Variants in STK26 observed in about 807,000 individuals in gnomAD.
STK26 encodes the protein serine/threonine kinase 26.
STK26 carries 14 observed loss-of-function variants against 34.7 expected under a neutral mutation model. That is an observed-to-expected ratio of 0.40 (90% confidence interval 0.27 to 0.63). The LOEUF (loss-of-function observed/expected upper bound fraction) is 0.63. Ranked by LOEUF, STK26 falls within the 30% of genes least tolerant of loss-of-function variation. STK26 has a pLI of 0.38. For missense variants in STK26, 226 were observed against 309.1 expected, an observed-to-expected ratio of 0.73 and a Z score of 2.02; for synonymous variants, 100 against 109.8, an observed-to-expected ratio of 0.91 and a Z score of 0.56.
chrX:132,029,939 T>C (rs1247202401), intron 2 of STK26, among the ~76,000 whole-genome samples: 5 of 111,907 alleles, frequency 4.5e-5, no homozygotes, highest in Admixed American at 9.5e-5. Context: ...GTGGGGACCA[T>C]GTATTTCACT....
chrX:132,048,479 AT>A (rs1159801223), intron 2 of STK26, among the ~76,000 whole-genome samples: 1 of 111,886 alleles, frequency 8.9e-6, no homozygotes, highest in African/African-American at 3.2e-5. Flanking sequence ...AACCTTAGAC[AT>A]AACAGTCAGG....
At chrX:132,073,176 C>T in intron 11 of STK26, 83 bp downstream of exon 11, 1 of 989,927 alleles carries the variant, frequency 1.0e-6, no homozygotes, top group Non-Finnish European at 1.4e-6. Context: ...TCCTTTGATT[C>T]AACCATTCCA....
At chrX:132,024,531 T>C (rs1280724203) in intron 2 of STK26, among the ~76,000 whole-genome samples, 1 of 112,160 alleles carries the variant, frequency 8.9e-6, no homozygotes, top group Non-Finnish European at 1.9e-5. Flanking sequence ...TTACTAACTT[T>C]TTAAAGCATT....
At chrX:132,070,962 A>G (rs1927394360) in intron 7 of STK26, 107 bp from the exon 8 acceptor site, 1 of 825,253 alleles carries the variant, frequency 1.2e-6, no homozygotes, top group Non-Finnish European at 1.7e-6. Context: ...CTACAGACAT[A>G]CCTTTATACC....
intron 4 of STK26, among the ~76,000 whole-genome samples, chrX:132,064,006 A>G (rs1453725619): frequency 4.5e-5 from 5 of 111,375 alleles, no homozygotes; most frequent in Non-Finnish European, 9.4e-5. Context: ...TCGCACCCTT[A>G]CAAAAGAGGC....
At chrX:132,042,052 A>G (rs1471890569) in intron 2 of STK26, among the ~76,000 whole-genome samples, 1 of 111,290 alleles carries the variant, frequency 9.0e-6, no homozygotes, top group Non-Finnish European at 1.9e-5. Context: ...TGCTTTGGTA[A>G]TTTCAGCAAT....
chrX:132,060,812 T>C (rs921926925), intron 3 of STK26, among the ~76,000 whole-genome samples: 1 of 109,349 alleles, frequency 9.1e-6, no homozygotes. Context: ...AGATGAGGAC[T>C]CCCTATGTTG....
At chrX:132,055,027 C>T (rs1926809726) in intron 3 of STK26, among the ~76,000 whole-genome samples, 166 bp downstream of exon 3, 1 of 112,305 alleles carries the variant, frequency 8.9e-6, no homozygotes, top group African/African-American at 3.2e-5. Context: ...TTAGATTTAG[C>T]AGCTGTATTC....
At chrX:132,068,700 T>G in intron 6 of STK26, 131 bp downstream of exon 6, 3 of 727,712 alleles carry the variant, frequency 4.1e-6, no homozygotes, top group Non-Finnish European at 5.8e-6. Flanking sequence ...ATGTCATATT[T>G]TGCTGCTTAA....
intron 3 of STK26, 34 bp downstream of exon 3, chrX:132,054,895 G>A (rs1411347498): frequency 1.8e-6 from 2 of 1,091,820 alleles, no homozygotes; most frequent in East Asian, 3.1e-5. Flanking sequence ...AAGTCATAAG[G>A]TATTTTCATT....
rs1178305158 is a variant in STK26 at position 132,063,637 on chromosome X, C to T, written c.330+148C>T. 10 of 458,681 alleles carry T rather than the reference C, an allele frequency of 2.2e-5. No individual in the cohort carries two copies. In the East Asian group the frequency reaches 3.4e-4, roughly 16 times the overall value. The allele number at this position is 458,681 out of a possible 1,213,427, so 37.8% of individuals were successfully genotyped here. On this transcript the variant is annotated intron_variant, in intron 4 of 11. Coordinates refer to ENST00000394334, the MANE Select transcript of STK26 (RefSeq NM_016542.4). The stretch of plus-strand genomic sequence containing the variant: ...AAATTAAATTCTTTTTTCATGACCT[C>T]TACCTTATGTAGGTACAGATGTATT...
intron 4 of STK26, among the ~76,000 whole-genome samples, chrX:132,065,681 A>G (rs927443593): frequency 8.9e-6 from 1 of 112,379 alleles, no homozygotes; most frequent in African/African-American, 3.2e-5. Flanking sequence ...TTGGTTAAGA[A>G]TCAAAAGGCC....
chrX:132,034,289 A>ATTTT (rs1219878763), intron 2 of STK26, among the ~76,000 whole-genome samples: 4 of 34,957 alleles, frequency 1.1e-4, no homozygotes, highest in African/African-American at 4.0e-4. Context: ...TGAGACATTT[A>ATTTT]TTCTTTTTTT....
At chrX:132,048,312 C>A (rs969855005) in intron 2 of STK26, among the ~76,000 whole-genome samples, 1 of 111,466 alleles carries the variant, frequency 9.0e-6, no homozygotes, top group Admixed American at 9.5e-5. Context: ...TTTTTCAATT[C>A]TTTTAAGTTT....
At chrX:132,028,004 C>T (rs1444049074) in intron 2 of STK26, among the ~76,000 whole-genome samples, 2 of 105,635 alleles carry the variant, frequency 1.9e-5, no homozygotes, top group Non-Finnish European at 1.9e-5. Context: ...TACAGGTGCA[C>T]GCCACCATGC....
chrX:132,034,659 A>G (rs1925981398), intron 2 of STK26, among the ~76,000 whole-genome samples: 1 of 111,338 alleles, frequency 9.0e-6, no homozygotes, highest in Non-Finnish European at 1.9e-5. Context: ...TTATTTTTTT[A>G]GCAATATAGT....
intron 3 of STK26, among the ~76,000 whole-genome samples, chrX:132,058,047 T>C (rs1926915719): frequency 1.8e-5 from 2 of 112,257 alleles, no homozygotes; most frequent in South Asian, 7.4e-4. Context: ...AAGTGTTAGC[T>C]ATTACTGTAT....
chrX:132,035,832 T>TACACACAC (rs61494612), intron 2 of STK26, among the ~76,000 whole-genome samples: 1,789 of 78,176 alleles, frequency 0.023, 30 homozygotes, highest in Middle Eastern at 0.044. Context: ...TCTGGCTGCA[T>TACACACAC]ACACACACAC....
intron 3 of STK26, among the ~76,000 whole-genome samples, chrX:132,058,974 T>C (rs1019397955): frequency 1.8e-5 from 2 of 111,544 alleles, no homozygotes; most frequent in African/African-American, 3.3e-5. Flanking sequence ...TTCTATAATC[T>C]TACAACGTTT....
Sources: allele counts gnomAD v4.1 joint callset (sites outside exome capture counted in the v4.1 genomes callset), GRCh38; gene constraint gnomAD v4.1.1; transcripts MANE v1.5; gene names NCBI Gene and HGNC (gene_info 2026-07-23, HGNC 2026-07-21).